Variants in PRPF40B observed in about 807,000 individuals in gnomAD.
The protein encoded by PRPF40B is pre-mRNA processing factor 40B, also known as pre-mRNA-processing factor 40 homolog B.
PRPF40B carries 56 observed loss-of-function variants against 124.5 expected under a neutral mutation model. That is an observed-to-expected ratio of 0.45 (90% confidence interval 0.36 to 0.56). The LOEUF is 0.56. Ranked by LOEUF, PRPF40B falls within the 20% of genes least tolerant of loss-of-function variation. The pLI is 0.00. For missense variants in PRPF40B, 1,053 were observed against 1,169.5 expected (o/e 0.90, Z 1.45); for synonymous variants, 443 against 426.4 (o/e 1.04, Z -0.48).
chr12:49,636,917 C>T lies in PRPF40B; in HGVS notation c.1560+68C>T. Reference sequence around the variant, plus strand: ...TAGAGCACAACCTCTTCACCCATTCCCTGCCCCCTTCTGGATACGCTGCCT... The same window carrying T: ...TAGAGCACAACCTCTTCACCCATTCTCTGCCCCCTTCTGGATACGCTGCCT... On this transcript the variant is annotated intron_variant, in intron 16 of 25. Coordinates refer to ENST00000548825, the MANE Select transcript of PRPF40B (RefSeq NM_001031698.3). The T allele has an allele frequency of 8.1e-6, 13 of 1,604,474 alleles. No individual in the cohort carries two copies. The South Asian group carries it at 1.2e-4, about 15-fold the overall frequency.
At chr12:49,627,578 C>T (rs1376609898) in intron 1 of PRPF40B, among the ~76,000 whole-genome samples, 1 of 152,148 alleles carries the variant, frequency 6.6e-6, no homozygotes, top group Non-Finnish European at 1.5e-5. Flanking sequence ...AACTGAGACC[C>T]AGGAGCTCAG....
intron 25 of PRPF40B, 25 bp from the exon 26 acceptor site, chr12:49,644,075 G>A: frequency 6.2e-7 from 1 of 1,614,226 alleles, no homozygotes; most frequent in African/African-American, 1.3e-5. Flanking sequence ...CAGGCTAAGG[G>A]TGAACTGTGC....
At chr12:49,626,617 A>G (rs530693932) in intron 1 of PRPF40B, among the ~76,000 whole-genome samples, 3 of 152,324 alleles carry the variant, frequency 2.0e-5, no homozygotes, top group South Asian at 2.1e-4. Flanking sequence ...GAGGGAAGCC[A>G]TTGAGTCAGG....
At chr12:49,633,823 C>T (rs1272243222) in intron 9 of PRPF40B, 63 bp from the exon 10 acceptor site, 1 of 1,608,338 alleles carries the variant, frequency 6.2e-7, no homozygotes, top group Admixed American at 1.7e-5. Context: ...AGAAACCAGC[C>T]AGCCCCTGAA....
rs372688449 is a variant in PRPF40B at position 49,628,767 on chromosome 12, C to T, written c.4-1778C>T. Among the ~76,000 whole-genome samples the T allele has an allele frequency of 4.6e-5, 7 of 151,790 alleles. No homozygotes were observed. The East Asian group carries it at 9.7e-4, about 21-fold the overall frequency. ...ATTTTTAGTAGAGACAGGATTTCAC[C>T]GTGTTGGCCAGGATGGCCTCGATCT... is the stretch of plus-strand genomic sequence containing the variant. On this transcript the variant is annotated intron_variant, in intron 1 of 25. Transcript: ENST00000548825.
rs747633030 is a variant in PRPF40B, at chr12:49,632,895, C to T, written c.348+15C>T. ...CAGGCCCTCCGGTGAGTTCTTCCAGCTCAGGGGTCTCTGGGTAGAAAGCCT... is the reference window on the plus strand; with the variant it reads ...CAGGCCCTCCGGTGAGTTCTTCCAGTTCAGGGGTCTCTGGGTAGAAAGCCT... On this transcript the variant is annotated intron_variant, in intron 6 of 25. Transcript: ENST00000548825. The T allele has an allele frequency of 9.9e-6, 16 of 1,613,540 alleles. 1 individual carries two copies. In the East Asian group the frequency reaches 1.1e-4, roughly 11 times the overall value.
In PRPF40B at chr12:49,631,422, C is replaced by T; in HGVS notation, c.106C>T (p.Pro36Ser). The change falls in exon 3 of 26, where the codon CCA becomes TCA. Residue 36 changes from proline to serine, a missense_variant. Pro to Ser is a moderately conservative substitution (Grantham distance 74, BLOSUM62 -1). Around this residue, in one of 2 missense-constraint regions of PRPF40B, gnomAD observed 158 missense variants for 117.3 expected, o/e 1.35. Transcript: ENST00000548825. The surrounding 1 kb of genome is among the most constrained non-coding windows in gnomAD (Gnocchi z 4.3). ...PPFMPPPGIP[P>S]PFPPMGLPPM... ...CCAGATGCCCCCTCCAGGGATCCCC[C>T]CACCCTTTCCTCCGATGGGGCTACC... 6.8e-7 allele frequency: 1 copy of T among 1,465,162 alleles called. No individual in the cohort carries two copies. Among genetic ancestry groups the T allele is most frequent in the Admixed American group, 2.6e-5 (1 of 38,876 alleles). The allele number at this position is 1,465,162 out of a possible 1,614,324, so 90.8% of individuals were successfully genotyped here.
rs1339354454 is a variant in PRPF40B at position 49,643,247 on chromosome 12, C to T, written c.2230C>T (p.Leu744=). 1 of 1,614,112 alleles carries T rather than the reference C, an allele frequency of 6.2e-7. No individual in the cohort carries two copies. Among genetic ancestry groups the T allele is most frequent in the Non-Finnish European group, 8.5e-7 (1 of 1,180,016 alleles). The part of the protein sequence containing the change: ...PSGSESEEEE[L]PPPSLRPPKR... Reference sequence around the variant, plus strand: ...GGGCTCTGAGTCAGAAGAAGAGGAGCTGCCCCCACCATCTCTCCGGCCCCC... The same window carrying T: ...GGGCTCTGAGTCAGAAGAAGAGGAGTTGCCCCCACCATCTCTCCGGCCCCC... The change falls in exon 23 of 26, where the codon CTG becomes TTG. Residue 744 remains leucine, a synonymous_variant. Transcript: ENST00000548825.
Position 49,635,568 on chromosome 12 carries a change from TC to T in PRPF40B, c.1275+99del. On this transcript the variant is annotated intron_variant, in intron 14 of 25. Transcript: ENST00000548825. The surrounding 1 kb of genome is among the most constrained non-coding windows in gnomAD (Gnocchi z 4.1). ...GACCCTCGCCATTTACTTCTCTACT[TC>T]CCCAGTGTCCCAGCTTCTGACTTGG... The T allele has an allele frequency of 8.3e-7, 1 of 1,203,438 alleles. No homozygotes were observed. The highest frequency in any genetic ancestry group is 2.4e-5 in the East Asian group (1 of 42,176). 74.5% of individuals were successfully genotyped at this position (1,203,438 alleles called of 1,614,324 possible).
In PRPF40B at chr12:49,634,038, C is replaced by G; in HGVS notation, c.758C>G (p.Ala253Gly). ...AGTGAAGATTGTGATGTGTTGGAGG[C>G]CACCCAGCCCCTGGAACAGGGGTTC... ...GGSEDCDVLE[A>G]TQPLEQGFLQ... Residue 253 changes from alanine to glycine, a missense_variant, in exon 10 of 26, where the codon GCC becomes GGC. Transcript: ENST00000548825. 1 of 1,613,850 alleles carries G rather than the reference C, an allele frequency of 6.2e-7. No individual in the cohort carries two copies. The highest frequency in any genetic ancestry group is 8.5e-7 in the Non-Finnish European group (1 of 1,179,930).
chr12:49,636,963 T>C (rs1941901893), intron 16 of PRPF40B, 114 bp downstream of exon 16: 1 of 1,490,094 alleles, frequency 6.7e-7, no homozygotes, highest in African/African-American at 1.4e-5. Flanking sequence ...TGCCTAGCCC[T>C]GTCCAAGCTC....
At chr12:49,640,254 C>T (rs371241907) in intron 18 of PRPF40B, 1 of 152,210 alleles carries the variant, frequency 6.6e-6, no homozygotes, top group Non-Finnish European at 1.5e-5. Flanking sequence ...AATATATTCT[C>T]TTGAGATCTG....
At chr12:49,624,966 G>A (rs1028471376) in intron 1 of PRPF40B, among the ~76,000 whole-genome samples, 1 of 152,192 alleles carries the variant, frequency 6.6e-6, no homozygotes, top group African/African-American at 2.4e-5. Flanking sequence ...TGAAACGGAA[G>A]GGCAGGTGCT....
chr12:49,642,085 T>C lies in PRPF40B; in HGVS notation c.1884+61T>C. On this transcript the variant is annotated intron_variant, in intron 19 of 25. Coordinates refer to ENST00000548825, the MANE Select transcript of PRPF40B (RefSeq NM_001031698.3). This position sits in a 1 kb window ranked among gnomAD's most constrained non-coding sequence, Gnocchi z 5.8. ...TTCATCTGTGTCTTGCTCCATTCCTTCTCACTCACTGTCCCACTGACTATA... is the reference window on the plus strand; with the variant it reads ...TTCATCTGTGTCTTGCTCCATTCCTCCTCACTCACTGTCCCACTGACTATA... The C allele has an allele frequency of 6.2e-7, 1 of 1,604,572 alleles. No individual in the cohort carries two copies. Among genetic ancestry groups the C allele is most frequent in the Admixed American group, 1.7e-5 (1 of 59,978 alleles).
At position 49,632,996 on chromosome 12, in the gene PRPF40B, G is replaced by GGGGGGGCCGC; in HGVS notation, c.349-18_349-17insGGGGGGCCGC. ...AAAGGGGCCTTGACCACCATTCTGT[G>GGGGGGGCCGC]CCCCCCCCCCCACCCAGAGGGCCCT... On this transcript the variant is annotated splice_polypyrimidine_tract_variant and intron_variant, in intron 6 of 25. Transcript: ENST00000548825. 8.7e-7 allele frequency: 1 copy of GGGGGGGCCGC among 1,147,396 alleles called. No homozygotes were observed. The highest frequency in any genetic ancestry group is 1.2e-6 in the Non-Finnish European group (1 of 823,010). The allele number at this position is 1,147,396 out of a possible 1,614,324, so 71.1% of individuals were successfully genotyped here.
chr12:49,625,644 C>A (rs1436409377), intron 1 of PRPF40B, among the ~76,000 whole-genome samples: 1 of 152,174 alleles, frequency 6.6e-6, no homozygotes, highest in South Asian at 2.1e-4. Flanking sequence ...TGGCCCCTCA[C>A]TGGCCCAGGT....
intron 1 of PRPF40B, among the ~76,000 whole-genome samples, chr12:49,628,653 G>A (rs547312096): frequency 2.7e-5 from 4 of 148,266 alleles, no homozygotes; most frequent in African/African-American, 7.5e-5. Flanking sequence ...TGCAAACTCC[G>A]CCTCCTGGGT....
chr12:49,641,049 T>A (rs777943076), intron 18 of PRPF40B: 13 of 152,342 alleles, frequency 8.5e-5, no homozygotes, highest in African/African-American at 1.2e-4. Context: ...AGAAAGGGAA[T>A]CTGGCCTGTG....
chr12:49,626,141 C>T (rs762728941), intron 1 of PRPF40B, among the ~76,000 whole-genome samples: 1 of 152,204 alleles, frequency 6.6e-6, no homozygotes, highest in Non-Finnish European at 1.5e-5. Flanking sequence ...CTGTCACAGC[C>T]TGTATGTCAG....
Sources: allele counts gnomAD v4.1 joint callset (sites outside exome capture counted in the v4.1 genomes callset), GRCh38; gene constraint gnomAD v4.1.1; regional missense constraint gnomAD v4.1.1; non-coding constraint Gnocchi (gnomAD v3.1); transcripts MANE v1.5; gene names NCBI Gene and HGNC (gene_info 2026-07-23, HGNC 2026-07-21).